ZNF532: variants seen among roughly 807,000 people sequenced by gnomAD.
The protein encoded by ZNF532 is zinc finger protein 532.
In ZNF532, 22 loss-of-function variants were observed where a neutral mutation model predicts 89.3. That is an observed-to-expected ratio of 0.25 (90% CI 0.18 to 0.35). The LOEUF is 0.35. Among genes scored for constraint, ZNF532 ranks in the 10% least tolerant of loss-of-function variants. The probability of loss-of-function intolerance (pLI) is 1.00; values close to 1 mark genes in which losing one functional copy is unlikely to be tolerated. For missense variants in ZNF532, 1,132 were observed against 1,643.4 expected (o/e 0.69, Z 5.38); for synonymous variants, 606 against 649.6 (o/e 0.93, Z 1.02).
chr18:58,971,378 A>G (rs990417625), intron 7 of ZNF532, among the ~76,000 whole-genome samples: 16 of 152,200 alleles, frequency 1.1e-4, no homozygotes, highest in African/African-American at 2.9e-4. Context: ...ACTTGTCTCT[A>G]TTTTCTATTG....
chr18:58,955,739 C>G (rs1323720237), intron 7 of ZNF532, among the ~76,000 whole-genome samples: 1 of 152,226 alleles, frequency 6.6e-6, no homozygotes, highest in Non-Finnish European at 1.5e-5. Flanking sequence ...TAGTTACTTA[C>G]AGAATATATT....
At position 58,888,843 on chromosome 18, in the gene ZNF532, A is replaced by AAAT. The variant is rs1568247831; in HGVS notation, c.-18+23264_-18+23265insAAT. Among the ~76,000 whole-genome samples, 85 of 49,462 alleles carry AAAT rather than the reference A, an allele frequency of 1.7e-3. 8 individuals are homozygous for AAAT. The highest frequency in any genetic ancestry group is 0.011 in the Middle Eastern group (1 of 92). The allele number at this position is 49,462 out of a possible 152,430, so 32.4% of individuals were successfully genotyped here. ...TATATATAAATTATATATATAATTT[A>AAAT]TATATATATAATTTATATATATATA... On this transcript the variant is annotated intron_variant, in intron 2 of 9. Transcript: ENST00000591808.
intron 7 of ZNF532, among the ~76,000 whole-genome samples, chr18:58,960,468 T>G (rs546876136): frequency 1.3e-5 from 2 of 152,196 alleles, no homozygotes; most frequent in Non-Finnish European, 2.9e-5. Flanking sequence ...ATTCGGAAGA[T>G]TTCAGATAAA....
chr18:58,891,305 A>G (rs944152320), intron 2 of ZNF532, among the ~76,000 whole-genome samples: 1 of 152,058 alleles, frequency 6.6e-6, no homozygotes, highest in Non-Finnish European at 1.5e-5. Context: ...TGAGGTGGGT[A>G]GATCACTTGA....
chr18:58,894,515 G>C (rs562446606), intron 2 of ZNF532, among the ~76,000 whole-genome samples: 1 of 151,528 alleles, frequency 6.6e-6, no homozygotes, highest in South Asian at 2.1e-4. Flanking sequence ...TCTAGGAAGA[G>C]TTTAAATAAT....
intron 7 of ZNF532, chr18:58,977,759 A>G (rs974027970): frequency 2.6e-5 from 4 of 152,218 alleles, no homozygotes; most frequent in African/African-American, 7.2e-5. Flanking sequence ...CTGAGGCACG[A>G]GAGTTCTTTG....
chr18:58,969,692 TTTGC>T (rs2066269331), intron 7 of ZNF532, among the ~76,000 whole-genome samples: 1 of 152,166 alleles, frequency 6.6e-6, no homozygotes, highest in African/African-American at 2.4e-5. Flanking sequence ...GACATTTGTG[TTTGC>T]TTGTTTACTT....
intron 4 of ZNF532, among the ~76,000 whole-genome samples, chr18:58,937,554 G>C (rs1397285543): frequency 6.6e-6 from 1 of 152,036 alleles, no homozygotes; most frequent in Non-Finnish European, 1.5e-5. Context: ...GGTAATTATT[G>C]CTTTTCTCTG....
In ZNF532 at chr18:58,979,093, T is replaced by C. The variant is rs2067396703; in HGVS notation, c.3189T>C (p.Ser1063=). 1.2e-6 allele frequency: 2 copies of C among 1,613,212 alleles called. No homozygotes were observed. The highest frequency in any genetic ancestry group is 1.3e-5 in the African/African-American group (1 of 75,046). ...ACCCCTGCCGCCAGTGTGACAAGTC[T>C]TTCAGCTCGTCCCACAGCCTGTGCC... The part of the protein sequence containing the change: ...KKHPCRQCDK[S]FSSSHSLCRH... The change falls in exon 8 of 10, where the codon TCT becomes TCC. Residue 1063 remains serine (S), a synonymous_variant. Transcript: ENST00000591808.
chr18:58,944,334 T>C (rs572812443), intron 5 of ZNF532, among the ~76,000 whole-genome samples: 1 of 152,276 alleles, frequency 6.6e-6, no homozygotes, highest in African/African-American at 2.4e-5. Context: ...TCTTTCTCCT[T>C]CCTTTCCCGC....
At chr18:58,940,333 A>G (rs2062880210) in intron 5 of ZNF532, 1 of 152,208 alleles carries the variant, frequency 6.6e-6, no homozygotes, top group Admixed American at 6.5e-5. Flanking sequence ...AACTTAAGAC[A>G]CTGGTTACTG....
chr18:58,888,403 C>A (rs2058452044), intron 2 of ZNF532, among the ~76,000 whole-genome samples: 1 of 151,750 alleles, frequency 6.6e-6, no homozygotes, highest in South Asian at 2.1e-4. Flanking sequence ...TGGCCGGGTG[C>A]AGTGGCTCAC....
intron 2 of ZNF532, among the ~76,000 whole-genome samples, chr18:58,882,785 T>G (rs2058026187): frequency 6.6e-6 from 1 of 152,206 alleles, no homozygotes; most frequent in African/African-American, 2.4e-5. Context: ...TTTACGTTTG[T>G]CCCAGAGATA....
At chr18:58,877,332 G>C (rs567343194) in intron 2 of ZNF532, among the ~76,000 whole-genome samples, 30 of 152,314 alleles carry the variant, frequency 2.0e-4, no homozygotes, top group East Asian at 1.9e-4. Context: ...CCTGGGGAAG[G>C]TTGCCTTGGG....
At position 58,920,090 on chromosome 18, in the gene ZNF532, C is replaced by T. The variant is rs2060915514; in HGVS notation, c.1803C>T (p.Leu601=). 3 of 1,613,980 alleles carry T rather than the reference C, an allele frequency of 1.9e-6. No homozygotes were observed. Among genetic ancestry groups the T allele is most frequent in the Non-Finnish European group, 2.5e-6 (3 of 1,179,868 alleles). Residue 601 remains leucine (L), a synonymous_variant, in exon 3 of 10, where the codon CTC becomes CTT. Transcript: ENST00000591808. ...VNPVPVYIPN[L]SPPANAGITL... ...CAGTCCCTGTTTACATCCCAAACCT[C>T]AGTCCTCCCGCCAATGCAGGGATCA... is the stretch of plus-strand genomic sequence containing the variant.
chr18:58,974,121 TCA>T (rs1429435550), intron 7 of ZNF532, among the ~76,000 whole-genome samples: 1 of 152,166 alleles, frequency 6.6e-6, no homozygotes, highest in Non-Finnish European at 1.5e-5. Flanking sequence ...CTCAATAAGC[TCA>T]GTTTTTTTTG....
In ZNF532 at chr18:58,919,524, G is replaced by A. The variant is rs1359995046; in HGVS notation, c.1237G>A (p.Ala413Thr). The change falls in exon 3 of 10, where the codon GCC (alanine) becomes ACC (threonine). Residue 413 changes from alanine (A) to threonine (T), a missense_variant. Coordinates refer to ENST00000591808, the MANE Select transcript of ZNF532 (RefSeq NM_001375912.1). This position sits in a 1 kb window ranked among gnomAD's most constrained non-coding sequence, Gnocchi z 6.1. The part of the protein sequence containing the change: ...VTSLLSSPAS[A>T]AVLSSPPRAP... ...ATCCCTTCTGTCGTCTCCAGCATCA[G>A]CCGCCGTCCTTTCCTCTCCCCCCAG... 1.2e-6 allele frequency: 2 copies of A among 1,614,060 alleles called. No individual in the cohort carries two copies. The highest frequency in any genetic ancestry group is 2.7e-5 in the African/African-American group (2 of 74,932).
At chr18:58,921,482 G>A (rs1414941396) in intron 3 of ZNF532, among the ~76,000 whole-genome samples, 1 of 152,166 alleles carries the variant, frequency 6.6e-6, no homozygotes, top group Non-Finnish European at 1.5e-5. Context: ...TACTTAAGAT[G>A]GTGGTCCAGA....
chr18:58,951,719 T>G (rs2064210706), intron 6 of ZNF532, among the ~76,000 whole-genome samples: 1 of 137,196 alleles, frequency 7.3e-6, no homozygotes, highest in African/African-American at 2.8e-5. Flanking sequence ...GGGAGATCTC[T>G]GCTCACTGCA....
Sources: allele counts gnomAD v4.1 joint callset (sites outside exome capture counted in the v4.1 genomes callset), GRCh38; gene constraint gnomAD v4.1.1; non-coding constraint Gnocchi (gnomAD v3.1); transcripts MANE v1.5; gene names NCBI Gene and HGNC (gene_info 2026-07-23, HGNC 2026-07-21).